TPD52: variants seen among roughly 807,000 people sequenced by gnomAD.
TPD52 encodes prostate and colon associated protein.
Under a neutral mutation model 31.3 loss-of-function variants are expected in TPD52, and 17 were observed. That is an observed-to-expected ratio of 0.54 (90% confidence interval 0.37 to 0.82). The LOEUF (loss-of-function observed/expected upper bound fraction) is 0.82, where lower values mean the gene tolerates loss of function less well. TPD52 is among the 40% of genes least tolerant of loss of function. The pLI is 0.00. For synonymous variants in TPD52, 83 were observed against 89.6 expected (o/e 0.93, Z 0.42); for missense variants, 212 against 240.1 (o/e 0.88, Z 0.77).
intron 1 of TPD52, among the ~76,000 whole-genome samples, chr8:80,164,772 G>C (rs761041648): frequency 5.6e-5 from 6 of 107,850 alleles, no homozygotes; most frequent in Non-Finnish European, 8.7e-5. Flanking sequence ...TGTAATCCCA[G>C]CTACTTGGGA....
At chr8:80,128,404 C>T (rs1055273811) in intron 1 of TPD52, among the ~76,000 whole-genome samples, 1 of 144,986 alleles carries the variant, frequency 6.9e-6, no homozygotes, top group East Asian at 2.1e-4. Flanking sequence ...CGTATAATCC[C>T]AGCACTTTAG....
Position 80,105,360 on chromosome 8 carries a change from T to C in TPD52, c.20-40767A>G, listed in dbSNP as rs1341312260. ...CTGACCTAATCGGTTATGTTATCTA[T>C]AGATTACAGACATTGTATGGAAAAG... is the stretch of plus-strand genomic sequence containing the variant. On this transcript the variant is annotated intron_variant, in intron 1 of 7. Transcript: ENST00000518937. Among the ~76,000 whole-genome samples the C allele has an allele frequency of 2.0e-5, 3 of 152,302 alleles. 1 individual carries two copies. The highest frequency in any genetic ancestry group is 4.1e-4 in the South Asian group (2 of 4,822).
intron 1 of TPD52, among the ~76,000 whole-genome samples, chr8:80,065,303 C>CTATA (rs5892703): frequency 0.017 from 2,533 of 147,158 alleles, 63 homozygotes; most frequent in African/African-American, 0.056. Context: ...ATCTATCTAT[C>CTATA]TATATATATA....
chr8:80,098,610 G>A (rs1256967930), intron 1 of TPD52, among the ~76,000 whole-genome samples: 2 of 152,220 alleles, frequency 1.3e-5, no homozygotes, highest in Admixed American at 1.3e-4. Flanking sequence ...CACTTGAAGG[G>A]ATAAGGAGTT....
At chr8:80,034,376 G>A (rs1288093004), downstream of TPD52, among the ~76,000 whole-genome samples, 1 of 152,062 alleles carries the variant, frequency 6.6e-6, no homozygotes, top group Admixed American at 6.6e-5. Context: ...TTCCTGCTGG[G>A]ATCACCTATT....
chr8:80,044,343 G>A lies in TPD52; in HGVS notation c.414-135C>T, dbSNP rs1282569101. The A allele has an allele frequency of 7.3e-6, 5 of 680,354 alleles. No homozygotes were observed. The East Asian group carries it at 1.3e-4, about 18-fold the overall frequency. 42.1% of individuals were successfully genotyped at this position (680,354 alleles called of 1,614,324 possible). On this transcript the variant is annotated intron_variant, in intron 5 of 7. Coordinates refer to ENST00000518937, the MANE Select transcript of TPD52 (RefSeq NM_001025253.3). Reference sequence around the variant, plus strand: ...CATGAAGAATTACCTACTTTTTGAGGTGGAGGGGATCAAAGTTATTCCAAC... The same window carrying A: ...CATGAAGAATTACCTACTTTTTGAGATGGAGGGGATCAAAGTTATTCCAAC...
At chr8:80,090,104 A>G (rs771792378) in intron 1 of TPD52, among the ~76,000 whole-genome samples, 5 of 152,158 alleles carry the variant, frequency 3.3e-5, no homozygotes, top group Non-Finnish European at 7.3e-5. Flanking sequence ...TTTAAAAAGT[A>G]TTTTAGGCCA....
chr8:80,087,429 G>A (rs1284819034), intron 1 of TPD52, among the ~76,000 whole-genome samples: 2 of 152,210 alleles, frequency 1.3e-5, no homozygotes, highest in African/African-American at 4.8e-5. Flanking sequence ...AGTAACACAG[G>A]AGCAGGTATT....
chr8:80,106,679 C>T (rs1401065419), intron 1 of TPD52, among the ~76,000 whole-genome samples: 1 of 114,128 alleles, frequency 8.8e-6, no homozygotes, highest in Non-Finnish European at 1.8e-5. Context: ...CTTACTCGTT[C>T]TATTTTTTTT....
chr8:80,120,058 G>A (rs1050500935), intron 1 of TPD52, among the ~76,000 whole-genome samples: 1 of 152,070 alleles, frequency 6.6e-6, no homozygotes, highest in African/African-American at 2.4e-5. Context: ...AATAGCACAA[G>A]TTAAAAGACA....
intron 1 of TPD52, among the ~76,000 whole-genome samples, chr8:80,087,958 T>TA (rs575375726): frequency 4.6e-5 from 7 of 152,250 alleles, no homozygotes; most frequent in Non-Finnish European, 1.0e-4. Context: ...GATGCTCTCT[T>TA]ATTTACAAAA....
At chr8:80,106,770 A>G (rs1445539099) in intron 1 of TPD52, among the ~76,000 whole-genome samples, 1 of 151,378 alleles carries the variant, frequency 6.6e-6, no homozygotes, top group Non-Finnish European at 1.5e-5. Context: ...TATCACTCTG[A>G]AGATGATATC....
At chr8:80,130,100 C>T (rs1808919379) in intron 1 of TPD52, among the ~76,000 whole-genome samples, 1 of 152,118 alleles carries the variant, frequency 6.6e-6, no homozygotes, top group Middle Eastern at 3.2e-3. Flanking sequence ...AGAGGTCACA[C>T]CGAATTGGCT....
Position 80,069,480 on chromosome 8 carries a change from A to AC in TPD52, c.20-4888_20-4887insG, listed in dbSNP as rs1586215132. Among the ~76,000 whole-genome samples, 4 of 151,254 alleles carry AC rather than the reference A, an allele frequency of 2.6e-5. No homozygotes were observed. The East Asian group carries it at 7.8e-4, about 29-fold the overall frequency. On this transcript the variant is annotated intron_variant, in intron 1 of 7. Transcript: ENST00000518937. ...ACCCTGTCTCAAAACAACAACAACA[A>AC]AAATTTTAATAAAAATTTTTAGGGG...
Position 80,054,052 on chromosome 8 carries a change from G to C in TPD52, c.136-622C>G, listed in dbSNP as rs78532326. Among the ~76,000 whole-genome samples, 1,282 of 152,294 alleles carry C rather than the reference G, an allele frequency of 8.4e-3. 12 individuals are homozygous for C. The highest frequency in any genetic ancestry group is 1.0e-2 in the Non-Finnish European group (679 of 68,026). On this transcript the variant is annotated intron_variant, in intron 2 of 7. Transcript: ENST00000518937. ...GGTTTCATGTGAACCCCTTGATGCT[G>C]ACTGCCCAGACTTGACTAGGTGGTT...
rs529930329 is a variant in TPD52 at position 80,038,674 on chromosome 8, AT to A, written c.505-440del. 1.6e-4 allele frequency among the ~76,000 whole-genome samples: 24 copies of A among 152,330 alleles called. No individual in the cohort carries two copies. In the East Asian group the frequency reaches 4.6e-3, roughly 29 times the overall value. On this transcript the variant is annotated intron_variant, in intron 7 of 7. Transcript: ENST00000518937. ...TATATGTTTTTTTCTCAGTTACAGTATAAGCTTTCTAACCCTTTAATACTTA... is the reference window on the plus strand; with the variant it reads ...TATATGTTTTTTTCTCAGTTACAGTAAAGCTTTCTAACCCTTTAATACTTA...
intron 1 of TPD52, among the ~76,000 whole-genome samples, chr8:80,137,915 G>A (rs1286843330): frequency 6.6e-6 from 1 of 152,052 alleles, no homozygotes; most frequent in Non-Finnish European, 1.5e-5. Flanking sequence ...TCCAGCCTGA[G>A]CGACAGAATG....
chr8:80,159,819 C>A (rs1304796582), intron 1 of TPD52, among the ~76,000 whole-genome samples: 1 of 152,178 alleles, frequency 6.6e-6, no homozygotes, highest in Non-Finnish European at 1.5e-5. Context: ...ACTTCCGATT[C>A]CAATTTTGTT....
At chr8:80,152,706 T>TG (rs1362404575) in intron 1 of TPD52, among the ~76,000 whole-genome samples, 2 of 145,512 alleles carry the variant, frequency 1.4e-5, no homozygotes, top group South Asian at 2.2e-4. Flanking sequence ...ACTTGAATCT[T>TG]GGGGGGCAGA....
Sources: gnomAD v4.1 joint callset for allele counts (sites outside exome capture counted in the v4.1 genomes callset) on GRCh38, gnomAD v4.1.1 for gene constraint, MANE v1.5 for transcripts, NCBI Gene and HGNC (gene_info 2026-07-23, HGNC 2026-07-21) for gene names.